Variants in PCDHA4 observed in about 807,000 individuals in gnomAD.
The protein encoded by PCDHA4 is protocadherin alpha 4.
In PCDHA4, 49 loss-of-function variants were observed where a neutral mutation model predicts 61.4. The observed-to-expected ratio is 0.80, with a 90% CI of 0.63 to 1.01. The LOEUF is 1.01. PCDHA4 is among the 50% of genes least tolerant of loss of function. The pLI, the probability that PCDHA4 is intolerant of heterozygous loss-of-function variation, is 0.00. For missense variants in PCDHA4, 1,254 were observed against 1,235.8 expected (o/e 1.01, Z -0.22); for synonymous variants, 590 against 550.3 (o/e 1.07, Z -1.01).
At chr5:140,827,407 A>C (rs1402035341) in intron 1 of PCDHA4, among the ~76,000 whole-genome samples, 1 of 152,242 alleles carries the variant, frequency 6.6e-6, no homozygotes, top group African/African-American at 2.4e-5. Flanking sequence ...TGTGATAAAG[A>C]ATATGCTCTA....
At chr5:140,982,711 A>T (rs370595783) in intron 3 of PCDHA4, 148 bp downstream of exon 3, 2 of 1,370,268 alleles carry the variant, frequency 1.5e-6, no homozygotes, top group African/African-American at 2.9e-5. Context: ...TTCCTTACAT[A>T]TATGATTATT....
chr5:140,850,831 G>T, intron 1 of PCDHA4: 7 of 1,598,198 alleles, frequency 4.4e-6, no homozygotes, highest in Non-Finnish European at 6.0e-6. Flanking sequence ...CTTTCTCCTT[G>T]TGCTGGATCT....
Position 140,856,254 on chromosome 5 carries a change from G to C in PCDHA4, c.2385+46682G>C, listed in dbSNP as rs1554148458. 6.9e-6 allele frequency: 11 copies of C among 1,598,144 alleles called. No homozygotes were observed. Among genetic ancestry groups the C allele is most frequent in the Admixed American group, 1.7e-5 (1 of 59,266 alleles). ...CGCCTGTTCCGGGTGGCGTCCAAAA[G>C]ACACGGGGACCTTCTGGAGGTAAAT... On this transcript the variant is annotated intron_variant, in intron 1 of 3. Transcript: ENST00000530339.
At chr5:140,834,836 G>A in intron 1 of PCDHA4, 5 of 1,611,792 alleles carry the variant, frequency 3.1e-6, no homozygotes, top group Non-Finnish European at 3.4e-6. Context: ...TTGACTCTCG[G>A]TTTCCACTAG....
At chr5:140,906,961 T>C (rs143429690) in intron 1 of PCDHA4, among the ~76,000 whole-genome samples, 1 of 152,268 alleles carries the variant, frequency 6.6e-6, no homozygotes, top group African/African-American at 2.4e-5. Flanking sequence ...TTTAATGGAA[T>C]CGTGGTTGTG....
chr5:141,010,118 T>C lies in PCDHA4; in HGVS notation c.*181T>C. 6.2e-7 allele frequency: 1 copy of C among 1,608,728 alleles called. No homozygotes were observed. The highest frequency in any genetic ancestry group is 8.5e-7 in the Non-Finnish European group (1 of 1,177,116). ...TTAACAGGTTTTGTCGTAAAAGCTT[T>C]ACTAAGTCTGGTGTTAACTCTTTCT... On this transcript the variant is annotated 3_prime_UTR_variant, in exon 4 of 4. Transcript: ENST00000530339.
intron 1 of PCDHA4, among the ~76,000 whole-genome samples, chr5:140,909,427 T>C (rs777444474): frequency 5.8e-4 from 88 of 152,174 alleles, no homozygotes; most frequent in Non-Finnish European, 6.5e-4. Context: ...GTTAAACTTA[T>C]GATAATCCAC....
chr5:140,809,101 C>T lies in PCDHA4; in HGVS notation c.1914C>T (p.Asp638=), dbSNP rs781864694. 13 of 1,613,836 alleles carry T rather than the reference C, an allele frequency of 8.1e-6. No homozygotes were observed. The highest frequency in any genetic ancestry group is 1.1e-5 in the Non-Finnish European group (13 of 1,179,942). ...TGEISTTRAL[D]ETDAPRHRLL... ...AGATCAGCACAACGCGTGCCCTGGA[C>T]GAAACGGACGCTCCGCGCCACCGCC... Residue 638 remains aspartate, a synonymous_variant, in exon 1 of 4, where the codon GAC becomes GAT. Transcript: ENST00000530339.
intron 1 of PCDHA4, chr5:140,812,147 T>TTGTTGTTGTTGTTG (rs1765043043): frequency 6.6e-6 from 1 of 150,790 alleles, no homozygotes; most frequent in African/African-American, 2.4e-5. Context: ...GTTTTGGGCT[T>TTGTTGTTGTTGTTG]TTGTTGTTGT....
Position 140,814,117 on chromosome 5 carries a change from A to T in PCDHA4, c.2385+4545A>T, listed in dbSNP as rs1314520811. On this transcript the variant is annotated intron_variant, in intron 1 of 3. Transcript: ENST00000530339. ...TAATAACGCTTAGCTTAAAACACAA[A>T]CACATTGTACAGCTGTACAAAAATA... 17 of 153,636 alleles carry T rather than the reference A, an allele frequency of 1.1e-4. No homozygotes were observed. In the Admixed American group the frequency reaches 1.1e-3, roughly 10 times the overall value. 9.5% of individuals were successfully genotyped at this position (153,636 alleles called of 1,614,324 possible).
chr5:140,834,611 G>C, intron 1 of PCDHA4: 1 of 1,614,162 alleles, frequency 6.2e-7, no homozygotes, highest in Non-Finnish European at 8.5e-7. Flanking sequence ...ATCTTCTGGA[G>C]GTAAATCTGC....
rs563116049 is a variant in PCDHA4, at chr5:140,869,756, G to A, written c.2385+60184G>A. ...TTGCTGCTAACAGCTACAGACGGGGGAAAACCAGAGCTTACTGGCACCGTT... is the reference window on the plus strand; with the variant it reads ...TTGCTGCTAACAGCTACAGACGGGGAAAAACCAGAGCTTACTGGCACCGTT... On this transcript the variant is annotated intron_variant, in intron 1 of 3. Coordinates refer to ENST00000530339, the MANE Select transcript of PCDHA4 (RefSeq NM_018907.4). The A allele has an allele frequency of 3.2e-5, 51 of 1,613,194 alleles. No individual in the cohort carries two copies. Among genetic ancestry groups the A allele is most frequent in the Non-Finnish European group, 4.0e-5 (47 of 1,179,718 alleles).
intron 1 of PCDHA4, among the ~76,000 whole-genome samples, chr5:140,912,281 A>G (rs571303094): frequency 3.3e-5 from 5 of 152,200 alleles, no homozygotes; most frequent in Non-Finnish European, 7.4e-5. Context: ...ATACCCAGGA[A>G]CAATACTTTG....
At chr5:140,867,507 C>A (rs190699676) in intron 1 of PCDHA4, 36 of 152,086 alleles carry the variant, frequency 2.4e-4, no homozygotes, top group African/African-American at 7.5e-4. Context: ...AGAACAAAAT[C>A]TCAAATTAAT....
At chr5:140,908,165 G>T (rs1422050863) in intron 1 of PCDHA4, among the ~76,000 whole-genome samples, 1 of 152,222 alleles carries the variant, frequency 6.6e-6, no homozygotes, top group African/African-American at 2.4e-5. Context: ...GGGCTGTAGT[G>T]CTGCAGCTGT....
In PCDHA4 at chr5:141,009,991, T is replaced by G. The variant is rs929729966; in HGVS notation, c.*54T>G. Reference sequence around the variant, plus strand: ...CCAGTTTTTGTAATAATGGCAAATCTCTCCCATGTAGCAATTCCCTGCTCC... The same window carrying G: ...CCAGTTTTTGTAATAATGGCAAATCGCTCCCATGTAGCAATTCCCTGCTCC... On this transcript the variant is annotated 3_prime_UTR_variant, in exon 4 of 4. Coordinates refer to ENST00000530339, the MANE Select transcript of PCDHA4 (RefSeq NM_018907.4). 13 of 1,578,088 alleles carry G rather than the reference T, an allele frequency of 8.2e-6. No individual in the cohort carries two copies. In the East Asian group the frequency reaches 2.5e-4, roughly 30 times the overall value.
chr5:140,862,867 C>A (rs1562571529), intron 1 of PCDHA4: 4 of 70,810 alleles, frequency 5.6e-5, no homozygotes, highest in Non-Finnish European at 9.2e-5. Context: ...TGTGACGCTG[C>A]CAGGTATTAG....
At chr5:140,809,768 T>G in intron 1 of PCDHA4, 196 bp downstream of exon 1, 1 of 562,544 alleles carries the variant, frequency 1.8e-6, no homozygotes, top group Non-Finnish European at 3.0e-6. Context: ...TATGCTGCAT[T>G]ATTCAATGCA....
intron 1 of PCDHA4, among the ~76,000 whole-genome samples, chr5:140,826,108 A>G (rs1252391414): frequency 6.6e-6 from 1 of 152,218 alleles, no homozygotes; most frequent in Non-Finnish European, 1.5e-5. Context: ...CATGCTATTT[A>G]TATATTCCTA....
Sources: gnomAD v4.1 joint callset for allele counts (sites outside exome capture counted in the v4.1 genomes callset) on GRCh38, gnomAD v4.1.1 for gene constraint, MANE v1.5 for transcripts, NCBI Gene and HGNC (gene_info 2026-07-23, HGNC 2026-07-21) for gene names.